Variants in CDYL2 observed in about 807,000 individuals in gnomAD.
CDYL2 encodes chromodomain Y-like protein 2.
Under a neutral mutation model 49.4 loss-of-function variants are expected in CDYL2, and 23 were observed. The observed-to-expected ratio is 0.47, with a 90% CI of 0.34 to 0.66. The LOEUF is 0.66. Ranked by LOEUF, CDYL2 falls within the 30% of genes least tolerant of loss-of-function variation. The pLI, the probability that CDYL2 is intolerant of heterozygous loss-of-function variation, is 0.01. For synonymous variants in CDYL2, 360 were observed against 268.8 expected, an observed-to-expected ratio of 1.34 and a Z score of -3.32; for missense variants, 678 against 656.4, an observed-to-expected ratio of 1.03 and a Z score of -0.36.
chr16:80,775,975 A>T (rs1907069356), intron 1 of CDYL2, among the ~76,000 whole-genome samples: 1 of 151,902 alleles, frequency 6.6e-6, no homozygotes, highest in Admixed American at 6.6e-5. Context: ...ATTCAGTAAC[A>T]CTGCAAAAGA....
chr16:80,660,443 C>T (rs1908995255), intron 2 of CDYL2, among the ~76,000 whole-genome samples: 1 of 151,798 alleles, frequency 6.6e-6, no homozygotes. Context: ...AGTATGTGTG[C>T]TGAAGTTTAA....
At chr16:80,723,540 T>C (rs1361002017) in intron 1 of CDYL2, among the ~76,000 whole-genome samples, 1 of 152,150 alleles carries the variant, frequency 6.6e-6, no homozygotes, top group African/African-American at 2.4e-5. Flanking sequence ...ACTGACCCCA[T>C]GCCCCAGCAC....
chr16:80,639,972 C>T (rs1369413664), intron 2 of CDYL2, among the ~76,000 whole-genome samples: 1 of 152,182 alleles, frequency 6.6e-6, no homozygotes, highest in Non-Finnish European at 1.5e-5. Flanking sequence ...AACTTGAGTT[C>T]CTGCAAGTCT....
chr16:80,646,732 T>C (rs967778398), intron 2 of CDYL2, among the ~76,000 whole-genome samples: 1 of 152,098 alleles, frequency 6.6e-6, no homozygotes, highest in African/African-American at 2.4e-5. Context: ...GAGGTTGCAG[T>C]GAGCCAAGAT....
chr16:80,765,877 A>AC (rs1906706775), intron 1 of CDYL2, among the ~76,000 whole-genome samples: 1 of 80,902 alleles, frequency 1.2e-5, no homozygotes, highest in African/African-American at 5.9e-5. Flanking sequence ...CCTCATCTAC[A>AC]AAAAAAAAAA....
At chr16:80,664,108 T>G (rs967628358) in intron 2 of CDYL2, among the ~76,000 whole-genome samples, 1 of 152,154 alleles carries the variant, frequency 6.6e-6, no homozygotes, top group Admixed American at 6.5e-5. Flanking sequence ...TAAAATTCAT[T>G]TTTATCACCT....
At chr16:80,616,465 G>T (rs1401783200) in intron 4 of CDYL2, among the ~76,000 whole-genome samples, 1 of 152,162 alleles carries the variant, frequency 6.6e-6, no homozygotes, top group Non-Finnish European at 1.5e-5. Flanking sequence ...GCAAAATTCT[G>T]CTCACAGGAG....
intron 4 of CDYL2, among the ~76,000 whole-genome samples, chr16:80,616,672 AC>A (rs1180814942): frequency 1.3e-5 from 2 of 151,576 alleles, no homozygotes; most frequent in Admixed American, 6.6e-5. Flanking sequence ...TCTCCAACCC[AC>A]CCCTTAGTCC....
At chr16:80,795,050 C>T (rs553020479) in intron 1 of CDYL2, among the ~76,000 whole-genome samples, 1 of 152,270 alleles carries the variant, frequency 6.6e-6, no homozygotes, top group Non-Finnish European at 1.5e-5. Context: ...TCAAATCCGG[C>T]ATTTGTATAA....
At chr16:80,752,824 G>A (rs1459755614) in intron 1 of CDYL2, among the ~76,000 whole-genome samples, 1 of 152,168 alleles carries the variant, frequency 6.6e-6, no homozygotes, top group Non-Finnish European at 1.5e-5. Context: ...TGTAGAGATG[G>A]AACAAGATGT....
chr16:80,697,041 T>G (rs1044240148), intron 1 of CDYL2, among the ~76,000 whole-genome samples: 5 of 151,828 alleles, frequency 3.3e-5, no homozygotes, highest in African/African-American at 1.2e-4. Context: ...AATGATAAAC[T>G]GAAGGGGAGG....
intron 3 of CDYL2, among the ~76,000 whole-genome samples, chr16:80,629,279 T>G (rs2142386914): frequency 6.6e-6 from 1 of 152,108 alleles, no homozygotes; most frequent in South Asian, 2.1e-4. Flanking sequence ...GAGGCAGACT[T>G]ATGAGACGGC....
intron 1 of CDYL2, among the ~76,000 whole-genome samples, chr16:80,786,044 T>C (rs1222534068): frequency 1.3e-5 from 2 of 152,194 alleles, no homozygotes; most frequent in Non-Finnish European, 2.9e-5. Context: ...ATTCAGGACA[T>C]AGGCTTTGGC....
intron 1 of CDYL2, among the ~76,000 whole-genome samples, chr16:80,803,239 T>C (rs1056388161): frequency 2.0e-4 from 30 of 152,336 alleles, no homozygotes; most frequent in African/African-American, 6.7e-4. Flanking sequence ...GTTTGAAAGA[T>C]GCCAGACTAA....
intron 2 of CDYL2, among the ~76,000 whole-genome samples, chr16:80,634,143 GA>G (rs898784110): frequency 2.6e-5 from 4 of 151,158 alleles, no homozygotes; most frequent in Admixed American, 1.3e-4. Context: ...AGAAATGAAA[GA>G]GGGGGCATCA....
chr16:80,613,865 G>A (rs1270223669), intron 4 of CDYL2, among the ~76,000 whole-genome samples: 1 of 152,168 alleles, frequency 6.6e-6, no homozygotes, highest in Admixed American at 6.5e-5. Context: ...CATTACGTTG[G>A]TCTGACCTTG....
chr16:80,762,897 GCATGAGCTACAGTACTGCTGGC>G (rs1203668597), intron 1 of CDYL2, among the ~76,000 whole-genome samples: 1 of 152,168 alleles, frequency 6.6e-6, no homozygotes, highest in East Asian at 1.9e-4. Flanking sequence ...CTTCATTCAA[GCATGAGCTACAGTACTGCTGGC>G]CATGAGTTCA....
chr16:80,647,788 C>A lies in CDYL2; in HGVS notation c.617-14552G>T, dbSNP rs186181849. On this transcript the variant is annotated intron_variant, in intron 2 of 6. Coordinates refer to ENST00000570137, the MANE Select transcript of CDYL2 (RefSeq NM_152342.4). The stretch of plus-strand genomic sequence containing the variant: ...ACAGGCTACATTTTAATTCACAAAA[C>A]AAGTCTTAAAACATTAATAAATGGA... Among the ~76,000 whole-genome samples the A allele has an allele frequency of 3.7e-3, 560 of 152,252 alleles. 1 individual carries two copies. Among genetic ancestry groups the A allele is most frequent in the Middle Eastern group, 0.017 (5 of 294 alleles).
chr16:80,721,296 A>T (rs1904990239), intron 1 of CDYL2, among the ~76,000 whole-genome samples: 1 of 152,190 alleles, frequency 6.6e-6, no homozygotes, highest in Non-Finnish European at 1.5e-5. Flanking sequence ...ACTCATTCCC[A>T]TTTGATACCT....
Sources: allele counts gnomAD v4.1 joint callset (sites outside exome capture counted in the v4.1 genomes callset), GRCh38; gene constraint gnomAD v4.1.1; transcripts MANE v1.5; gene names NCBI Gene and HGNC (gene_info 2026-07-23, HGNC 2026-07-21).